The following PCNX2 variants were observed in gnomAD, a reference collection of about 807,000 sequenced individuals.
The protein encoded by PCNX2 is pecanex-like protein 2.
A neutral mutation model predicts 223.8 loss-of-function variants in PCNX2; 168 were observed. The observed-to-expected ratio is 0.75, with a 90% confidence interval of 0.66 to 0.85. The LOEUF (loss-of-function observed/expected upper bound fraction) is 0.85, where lower values mean the gene tolerates loss of function less well. PCNX2 is among the 40% of genes least tolerant of loss of function. PCNX2 has a pLI of 0.00. For missense variants in PCNX2, 2,507 were observed against 2,675.5 expected (o/e 0.94, Z 1.39); for synonymous variants, 1,006 against 1,052.6 (o/e 0.96, Z 0.86).
rs766681565 is a variant in PCNX2 at position 233,025,245 on chromosome 1, G to A, written c.4506C>T (p.Thr1502=). The part of the protein sequence containing the change: ...LRWLTWEITQ[T]QYILEGYSIL... ...TGCTGTAGCCCTCCAGGATGTACTG[G>A]GTCTGCGTGATTTCCCAGGTGAGCC... Residue 1502 remains threonine (T), a synonymous_variant, in exon 26 of 34, where the codon ACC becomes ACT. Transcript: ENST00000258229. 1.9e-6 allele frequency: 3 copies of A among 1,613,992 alleles called. 1 individual carries two copies. Among genetic ancestry groups the A allele is most frequent in the South Asian group, 2.2e-5 (2 of 91,086 alleles).
At chr1:233,107,185 A>G (rs1215538449) in intron 21 of PCNX2, among the ~76,000 whole-genome samples, 4 of 142,454 alleles carry the variant, frequency 2.8e-5, no homozygotes, top group Non-Finnish European at 6.2e-5. Context: ...AACATGTATT[A>G]TACACACACA....
chr1:233,170,945 C>T (rs890828921), intron 17 of PCNX2, among the ~76,000 whole-genome samples: 5 of 152,128 alleles, frequency 3.3e-5, no homozygotes, highest in East Asian at 1.9e-4. Context: ...TCCGAAAATC[C>T]GAAATGCAAA....
At chr1:233,160,185 T>C (rs1311604319) in intron 19 of PCNX2, 98 bp downstream of exon 19, 3 of 1,321,776 alleles carry the variant, frequency 2.3e-6, no homozygotes, top group East Asian at 2.3e-5. Context: ...TACAGTTCTG[T>C]GGCATTAAGT....
chr1:233,261,255 G>A, intron 4 of PCNX2, 30 bp downstream of exon 4: 2 of 1,573,148 alleles, frequency 1.3e-6, no homozygotes, highest in African/African-American at 2.7e-5. Flanking sequence ...GGATAGTGCT[G>A]TGATAAAATA....
At chr1:233,296,025 TCTTCC>T (rs1273650628), upstream of PCNX2, among the ~76,000 whole-genome samples, 1 of 135,222 alleles carries the variant, frequency 7.4e-6, no homozygotes, top group Non-Finnish European at 1.6e-5. Context: ...GCCTCTCCCC[TCTTCC>T]CTTCCCCTTC....
At chr1:233,004,621 G>A (rs1670214216) in intron 28 of PCNX2, among the ~76,000 whole-genome samples, 1 of 152,242 alleles carries the variant, frequency 6.6e-6, no homozygotes, top group Non-Finnish European at 1.5e-5. Flanking sequence ...GGGCATGTGT[G>A]TGAAGGGAGT....
chr1:233,303,986 G>T, the PCNX2 span, among the ~76,000 whole-genome samples: 6 of 152,274 alleles, frequency 3.9e-5, no homozygotes, highest in African/African-American at 1.2e-4. Flanking sequence ...TAATGCAGTT[G>T]TAATAGTACT....
intron 13 of PCNX2, among the ~76,000 whole-genome samples, chr1:233,200,527 G>A (rs989357423): frequency 3.3e-5 from 5 of 151,706 alleles, no homozygotes; most frequent in South Asian, 2.1e-4. Flanking sequence ...AGGCTGAGAC[G>A]GAAATGTGTC....
chr1:233,304,993 A>G, the PCNX2 span, among the ~76,000 whole-genome samples: 1 of 152,230 alleles, frequency 6.6e-6, no homozygotes, highest in Non-Finnish European at 1.5e-5. Flanking sequence ...TATAAGGAAT[A>G]TTATGAGTTA....
chr1:233,093,935 T>C lies in PCNX2; in HGVS notation c.3946+1820A>G, dbSNP rs569157323. On this transcript the variant is annotated intron_variant, in intron 22 of 33. Coordinates refer to ENST00000258229, the MANE Select transcript of PCNX2 (RefSeq NM_014801.4). ...AATGCTCACTGTGCACAAGCTGAGATAAATCCTAACGCTGTCTTTATTCTT... is the reference window on the plus strand; with the variant it reads ...AATGCTCACTGTGCACAAGCTGAGACAAATCCTAACGCTGTCTTTATTCTT... Among the ~76,000 whole-genome samples, 6 of 152,354 alleles carry C rather than the reference T, an allele frequency of 3.9e-5. No homozygotes were observed. The East Asian group carries it at 1.2e-3, about 29-fold the overall frequency.
chr1:233,200,128 G>C, intron 14 of PCNX2, 26 bp downstream of exon 14: 1 of 1,489,930 alleles, frequency 6.7e-7, no homozygotes, highest in Non-Finnish European at 9.2e-7. Context: ...TTCCTTTACA[G>C]GAAGAATAGA....
chr1:233,232,934 T>C (rs1658155905), intron 9 of PCNX2: 1 of 984,788 alleles, frequency 1.0e-6, no homozygotes, highest in African/African-American at 1.7e-5. Context: ...CAAAACACTT[T>C]CACATACAAT....
rs1410537088 is a variant in PCNX2, at chr1:233,054,349, C to A, written c.4270G>T (p.Asp1424Tyr). 2.5e-6 allele frequency: 4 copies of A among 1,613,940 alleles called. No homozygotes were observed. In the South Asian group the frequency reaches 4.4e-5, roughly 18 times the overall value. ...AGGTGAACAAAGGCATTGAGGTCATCTGAAGCCAAAATAAAGCAATCGCCA... is the reference window on the plus strand; with the variant it reads ...AGGTGAACAAAGGCATTGAGGTCATATGAAGCCAAAATAAAGCAATCGCCA... The part of the protein sequence containing the change: ...SSGDCFILAS[D>Y]DLNAFVHLIE... Residue 1424 changes from aspartate (D) to tyrosine (Y), a missense_variant, in exon 25 of 34, where the codon GAT becomes TAT. Asp to Tyr is a radical substitution (Grantham distance 160). This residue lies in a region of PCNX2 where 1,372 missense variants were observed against 1,509.4 expected (regional missense o/e 0.91). Transcript: ENST00000258229.
At chr1:233,082,456 C>T (rs1018248998) in intron 23 of PCNX2, among the ~76,000 whole-genome samples, 3 of 152,122 alleles carry the variant, frequency 2.0e-5, no homozygotes, top group Admixed American at 6.5e-5. Context: ...ACAAGGGCAT[C>T]GAACAAATAA....
At position 232,995,693 on chromosome 1, in the gene PCNX2, A is replaced by C. The variant is rs1384930638; in HGVS notation, c.5791+2558T>G. ...TTTTAACTTAAAAATCCAATTTAAA[A>C]AAAAAGATCCTGCTCTGACATCTTC... On this transcript the variant is annotated intron_variant, in intron 32 of 33. Transcript: ENST00000258229. Among the ~76,000 whole-genome samples the C allele has an allele frequency of 2.0e-5, 3 of 152,302 alleles. 1 individual carries two copies. In the East Asian group the frequency reaches 5.8e-4, roughly 29 times the overall value.
chr1:233,158,981 G>C (rs7541396), intron 19 of PCNX2, among the ~76,000 whole-genome samples: 114,196 of 152,122 alleles, frequency 0.75, 43,340 homozygotes, highest in African/African-American at 0.88. Context: ...GGAACCTTCT[G>C]TGAGTCTATC....
At chr1:233,116,268 C>A (rs529600467) in intron 21 of PCNX2, among the ~76,000 whole-genome samples, 1 of 152,078 alleles carries the variant, frequency 6.6e-6, no homozygotes, top group South Asian at 2.1e-4. Context: ...CATTATAATG[C>A]AACAAGATAT....
intron 19 of PCNX2, among the ~76,000 whole-genome samples, chr1:233,155,758 T>C (rs985481881): frequency 3.3e-5 from 5 of 152,228 alleles, no homozygotes; most frequent in African/African-American, 1.2e-4. Context: ...AAATTTTCAA[T>C]CAGGTCCAAC....
At chr1:233,191,382 A>G (rs572919107) in intron 15 of PCNX2, among the ~76,000 whole-genome samples, 5 of 152,268 alleles carry the variant, frequency 3.3e-5, no homozygotes, top group Non-Finnish European at 1.5e-5. Flanking sequence ...ATCAAGTACA[A>G]TGATATTTAC....
Sources: allele counts gnomAD v4.1 joint callset (sites outside exome capture counted in the v4.1 genomes callset), GRCh38; gene constraint gnomAD v4.1.1; regional missense constraint gnomAD v4.1.1; transcripts MANE v1.5; gene names NCBI Gene and HGNC (gene_info 2026-07-23, HGNC 2026-07-21).